Variants in GMDS observed in about 807,000 individuals in gnomAD.
GMDS encodes GDP-mannose 4,6-dehydratase.
A neutral mutation model predicts 49.9 loss-of-function variants in GMDS; 20 were observed. The ratio of observed to expected loss-of-function variants is 0.40; its 90% CI spans 0.28 to 0.58. The LOEUF (loss-of-function observed/expected upper bound fraction) is 0.58, where lower values mean the gene tolerates loss of function less well. Ranked by LOEUF, GMDS falls within the 20% of genes least tolerant of loss-of-function variation. The pLI is 0.42. For missense variants in GMDS, 362 were observed against 481.4 expected (o/e 0.75, Z 2.32); for synonymous variants, 177 against 178.6 (o/e 0.99, Z 0.07).
intron 7 of GMDS, among the ~76,000 whole-genome samples, chr6:1,903,839 T>TGGTG (rs928953487): frequency 5.3e-5 from 8 of 152,274 alleles, no homozygotes; most frequent in Admixed American, 2.0e-4. Context: ...TCCATATTCT[T>TGGTG]GGGTGGGCAG....
At chr6:1,818,943 A>G (rs1044631773) in intron 7 of GMDS, among the ~76,000 whole-genome samples, 1 of 152,114 alleles carries the variant, frequency 6.6e-6, no homozygotes, top group African/African-American at 2.4e-5. Flanking sequence ...AAAATTTATC[A>G]TTAGTAAATT....
chr6:1,786,158 T>C (rs933497353), intron 7 of GMDS, among the ~76,000 whole-genome samples: 2 of 152,272 alleles, frequency 1.3e-5, no homozygotes, highest in Non-Finnish European at 2.9e-5. Context: ...ATATAATCTA[T>C]GCAGAATGAT....
At chr6:2,103,178 G>T (rs912307388) in intron 4 of GMDS, among the ~76,000 whole-genome samples, 2 of 152,090 alleles carry the variant, frequency 1.3e-5, no homozygotes, top group Admixed American at 1.3e-4. Flanking sequence ...CTCGCAAACC[G>T]CATTCCCTTC....
intron 7 of GMDS, among the ~76,000 whole-genome samples, chr6:1,769,883 G>A (rs539148887): frequency 1.2e-4 from 19 of 152,008 alleles, no homozygotes; most frequent in Non-Finnish European, 2.4e-4. Flanking sequence ...TGGACCACCA[G>A]GCCTGGCTAA....
intron 4 of GMDS, among the ~76,000 whole-genome samples, chr6:2,034,430 G>A (rs1769165080): frequency 6.6e-6 from 1 of 152,106 alleles, no homozygotes; most frequent in African/African-American, 2.4e-5. Flanking sequence ...GGTGCCAATG[G>A]GTATGAGCTT....
chr6:1,906,304 T>A (rs1445870066), intron 7 of GMDS, among the ~76,000 whole-genome samples: 1 of 152,096 alleles, frequency 6.6e-6, no homozygotes, highest in Admixed American at 6.6e-5. Flanking sequence ...AGAGCTGGGG[T>A]GCCAGGACTC....
chr6:2,006,188 G>A (rs927304902), intron 4 of GMDS, among the ~76,000 whole-genome samples: 5 of 151,878 alleles, frequency 3.3e-5, no homozygotes, highest in African/African-American at 9.7e-5. Context: ...TTAGGAGGCC[G>A]AGGTGGGAGG....
chr6:1,742,754 G>A lies in GMDS; in HGVS notation c.772-168C>T, dbSNP rs1049110036. Among the ~76,000 whole-genome samples, 7 of 152,176 alleles carry A rather than the reference G, an allele frequency of 4.6e-5. 1 individual carries two copies. The highest frequency in any genetic ancestry group is 1.3e-4 in the Admixed American group (2 of 15,282). ...GGCTCCCAACTTTTACTGAGTATCC[G>A]AATAACATGAGGAACTTCTTGGTGT... On this transcript the variant is annotated intron_variant, in intron 7 of 10. Transcript: ENST00000380815.
intron 4 of GMDS, among the ~76,000 whole-genome samples, chr6:2,075,097 T>C (rs1162710569): frequency 6.6e-6 from 1 of 152,188 alleles, no homozygotes; most frequent in Non-Finnish European, 1.5e-5. Context: ...CTTTATTCCT[T>C]TTGCTCAGGA....
At chr6:1,736,082 G>A (rs975231319) in intron 8 of GMDS, among the ~76,000 whole-genome samples, 5 of 152,148 alleles carry the variant, frequency 3.3e-5, no homozygotes, top group Non-Finnish European at 5.9e-5. Flanking sequence ...CCCGCGACCT[G>A]GTGAATTGCA....
Position 2,035,488 on chromosome 6 carries a change from A to G in GMDS, c.346-74522T>C, listed in dbSNP as rs532727078. On this transcript the variant is annotated intron_variant, in intron 4 of 10. Coordinates refer to ENST00000380815, the MANE Select transcript of GMDS (RefSeq NM_001500.4). ...GTGTCTCAAATGGCACTTACTTTCT[A>G]TTTGGCATTTGACCTATTTCTCTGT... Among the ~76,000 whole-genome samples the G allele has an allele frequency of 3.3e-5, 5 of 152,050 alleles. No homozygotes were observed. The East Asian group carries it at 7.7e-4, about 24-fold the overall frequency.
At chr6:1,760,719 T>A (rs923281460) in intron 7 of GMDS, among the ~76,000 whole-genome samples, 1 of 152,184 alleles carries the variant, frequency 6.6e-6, no homozygotes, top group Non-Finnish European at 1.5e-5. Context: ...AATCTAGATG[T>A]CAAGTTAAAA....
At chr6:1,808,440 C>CTA (rs1349044772) in intron 7 of GMDS, among the ~76,000 whole-genome samples, 1 of 152,158 alleles carries the variant, frequency 6.6e-6, no homozygotes, top group Non-Finnish European at 1.5e-5. Flanking sequence ...GAGGCAATGG[C>CTA]TACGGTGCGG....
chr6:1,888,947 G>A (rs1759744409), intron 7 of GMDS, among the ~76,000 whole-genome samples: 1 of 152,092 alleles, frequency 6.6e-6, no homozygotes, highest in African/African-American at 2.4e-5. Flanking sequence ...TCACATCAAG[G>A]TCACACTAAT....
intron 9 of GMDS, among the ~76,000 whole-genome samples, chr6:1,724,947 T>C (rs1345307187): frequency 1.3e-5 from 2 of 152,230 alleles, no homozygotes; most frequent in Non-Finnish European, 2.9e-5. Flanking sequence ...CTTTCCTTTT[T>C]ATTTCCTCCT....
chr6:2,209,626 C>A (rs9378324), intron 1 of GMDS, among the ~76,000 whole-genome samples: 49,741 of 151,384 alleles, frequency 0.33, 8,625 homozygotes, highest in Middle Eastern at 0.51. Flanking sequence ...CTCTCTCTCT[C>A]TGGACTGAAT....
chr6:2,088,653 T>C (rs1053948806), intron 4 of GMDS, among the ~76,000 whole-genome samples: 5 of 152,212 alleles, frequency 3.3e-5, no homozygotes, highest in African/African-American at 1.2e-4. Flanking sequence ...ACACTGGTTC[T>C]TTCTGATCAC....
chr6:2,009,764 G>A (rs1445784729), intron 4 of GMDS, among the ~76,000 whole-genome samples: 4 of 152,154 alleles, frequency 2.6e-5, no homozygotes, highest in African/African-American at 4.8e-5. Flanking sequence ...AGCTGCCAAT[G>A]TCAATGACAA....
At chr6:2,127,408 T>A (rs1042770216) in intron 1 of GMDS, among the ~76,000 whole-genome samples, 194 of 149,754 alleles carry the variant, frequency 1.3e-3, no homozygotes, top group Non-Finnish European at 2.3e-3. Context: ...ATTAAATGTT[T>A]AAAAAAAAAA....
Sources: gnomAD v4.1 joint callset for allele counts (sites outside exome capture counted in the v4.1 genomes callset) on GRCh38, gnomAD v4.1.1 for gene constraint, MANE v1.5 for transcripts, NCBI Gene and HGNC (gene_info 2026-07-23, HGNC 2026-07-21) for gene names.